The following IGF2BP1 variants were observed in gnomAD, a reference collection of about 807,000 sequenced individuals.
The protein encoded by IGF2BP1 is insulin like growth factor 2 mRNA binding protein 1.
A neutral mutation model predicts 74.9 loss-of-function variants in IGF2BP1; 11 were observed. The observed-to-expected ratio is 0.15, with a 90% confidence interval of 0.09 to 0.24. The LOEUF (loss-of-function observed/expected upper bound fraction) is 0.24. IGF2BP1 is among the 10% of genes least tolerant of loss of function. The probability of loss-of-function intolerance (pLI) is 1.00; values close to 1 mark genes in which losing one functional copy is unlikely to be tolerated. For missense variants in IGF2BP1, 440 were observed against 757.4 expected (o/e 0.58, Z 4.92); for synonymous variants, 287 against 281.8 (o/e 1.02, Z -0.18).
At position 48,998,001 on chromosome 17, in the gene IGF2BP1, G is replaced by T. The variant is rs896749685; in HGVS notation, c.175+81G>T. The T allele has an allele frequency of 5.4e-6, 8 of 1,489,588 alleles. No homozygotes were observed. In the African/African-American group the frequency reaches 9.7e-5, roughly 18 times the overall value. The allele number at this position is 1,489,588 out of a possible 1,614,324, so 92.3% of individuals were successfully genotyped here. On this transcript the variant is annotated intron_variant, in intron 1 of 14. Transcript: ENST00000290341. ...ACCCGCACCTTCCGGTTCCTCTCCC[G>T]CCAACTCCTCTCTTCCCGGGCCTGC...
intron 5 of IGF2BP1, chr17:49,037,026 A>AT: frequency 4.4e-6 from 1 of 225,704 alleles, no homozygotes; most frequent in Non-Finnish European, 9.3e-6. Flanking sequence ...TGCCATGGCT[A>AT]TGGAGGGGTT....
At chr17:49,024,521 A>T (rs2041829206) in intron 2 of IGF2BP1, among the ~76,000 whole-genome samples, 1 of 152,144 alleles carries the variant, frequency 6.6e-6, no homozygotes, top group Non-Finnish European at 1.5e-5. Context: ...AATCACTCCC[A>T]CCTTAGTATT....
At chr17:49,011,150 A>AC (rs2041613897) in intron 2 of IGF2BP1, among the ~76,000 whole-genome samples, 1 of 135,910 alleles carries the variant, frequency 7.4e-6, no homozygotes, top group African/African-American at 2.7e-5. Context: ...AAAAAAAAAA[A>AC]AAAAAAAAAA....
At chr17:49,004,240 C>T (rs2143929238) in intron 2 of IGF2BP1, among the ~76,000 whole-genome samples, 1 of 152,340 alleles carries the variant, frequency 6.6e-6, no homozygotes, top group South Asian at 2.1e-4. Context: ...TGTGGTGCGC[C>T]TTAGTCCTGG....
At chr17:49,000,136 C>A (rs919026467) in intron 2 of IGF2BP1, among the ~76,000 whole-genome samples, 2 of 152,078 alleles carry the variant, frequency 1.3e-5, no homozygotes, top group Non-Finnish European at 2.9e-5. Flanking sequence ...TCAAATCAGA[C>A]TTTAAACATG....
rs372768083 is a variant in IGF2BP1, at chr17:49,043,412, C to A, written c.1078-16C>A. 6.2e-7 allele frequency: 1 copy of A among 1,613,416 alleles called. No individual in the cohort carries two copies. Among genetic ancestry groups the A allele is most frequent in the Non-Finnish European group, 8.5e-7 (1 of 1,179,924 alleles). ...TCAGGGTGTGCTGACTCTTCCTCCT[C>A]ATCTTTCTTCCCCAGCTGCAGTCTC... On this transcript the variant is annotated splice_polypyrimidine_tract_variant and intron_variant, in intron 9 of 14. Coordinates refer to ENST00000290341, the MANE Select transcript of IGF2BP1 (RefSeq NM_006546.4).
chr17:48,997,078 A>G (rs887312257), upstream of IGF2BP1, among the ~76,000 whole-genome samples: 1 of 151,444 alleles, frequency 6.6e-6, no homozygotes, highest in Non-Finnish European at 1.5e-5. The surrounding 1 kb of genome is among the most constrained non-coding windows in gnomAD (Gnocchi z 4.8). Context: ...TTACCCTTTA[A>G]GACATGTGAG....
intron 5 of IGF2BP1, chr17:49,036,534 T>G (rs1295194325): frequency 6.6e-6 from 1 of 152,226 alleles, no homozygotes; most frequent in East Asian, 1.9e-4. Context: ...GTTTGTTTTT[T>G]TTTGTGCACC....
rs539776465 is a variant in IGF2BP1, at chr17:49,001,956, G to C, written c.236+2787G>C. The stretch of plus-strand genomic sequence containing the variant: ...CCACTGTGGTGTGCCTTTTTCTAGA[G>C]GAATGTGACCTAAAGATAGCATATT... On this transcript the variant is annotated intron_variant, in intron 2 of 14. Transcript: ENST00000290341. Among the ~76,000 whole-genome samples, 45 of 152,062 alleles carry C rather than the reference G, an allele frequency of 3.0e-4. 1 individual carries two copies. The South Asian group carries it at 9.3e-3, about 32-fold the overall frequency.
intron 7 of IGF2BP1, 112 bp from the exon 8 acceptor site, chr17:49,041,266 T>C: frequency 1.8e-6 from 2 of 1,121,318 alleles, no homozygotes; most frequent in East Asian, 2.4e-5. Context: ...TGATAAGTTT[T>C]GAGATGTTTT....
rs903851992 is a variant in IGF2BP1 at position 49,055,389 on chromosome 17, T to G, written c.*5945T>G. Reference sequence around the variant, plus strand: ...CCTGCCAGTGAGTCCTTCCTGTGCTTCTCTCCCTTCTCCCCTCCCAGCCAG... The same window carrying G: ...CCTGCCAGTGAGTCCTTCCTGTGCTGCTCTCCCTTCTCCCCTCCCAGCCAG... On this transcript the variant is annotated 3_prime_UTR_variant, in exon 15 of 15. Transcript: ENST00000290341. The G allele has an allele frequency of 5.6e-6, 2 of 354,584 alleles. No individual in the cohort carries two copies. The highest frequency in any genetic ancestry group is 5.0e-6 in the Non-Finnish European group (1 of 198,318). 22.0% of individuals were successfully genotyped at this position (354,584 alleles called of 1,614,324 possible). A position where few individuals can be genotyped will look rare whatever the true frequency, so the allele number is the denominator to read the frequency against.
chr17:49,019,863 C>T (rs2041755671), intron 2 of IGF2BP1, among the ~76,000 whole-genome samples: 2 of 129,582 alleles, frequency 1.5e-5, no homozygotes, highest in East Asian at 4.8e-4. Flanking sequence ...CCCATCTCAG[C>T]TTCCTGAATA....
At chr17:49,011,149 A>AAAAAAC (rs2041613877) in intron 2 of IGF2BP1, among the ~76,000 whole-genome samples, 1 of 146,828 alleles carries the variant, frequency 6.8e-6, no homozygotes, top group African/African-American at 2.5e-5. Flanking sequence ...AAAAAAAAAA[A>AAAAAAC]AAAAAAAAAA....
chr17:49,031,786 A>G, intron 4 of IGF2BP1, 124 bp from the exon 5 acceptor site: 7 of 845,960 alleles, frequency 8.3e-6, no homozygotes, highest in Non-Finnish European at 1.4e-5. Context: ...TGCAGTTGTG[A>G]TCTACCGTGT....
At position 49,026,446 on chromosome 17, in the gene IGF2BP1, T is replaced by C; in HGVS notation, c.286-20T>C. The C allele has an allele frequency of 6.2e-7, 1 of 1,612,620 alleles. No homozygotes were observed. The highest frequency in any genetic ancestry group is 1.1e-5 in the South Asian group (1 of 91,044). ...CTTGGGACTCAGAGTTAAGTGTACT[T>C]CCCTTCTCCATTCTCCTAGGTACTG... On this transcript the variant is annotated intron_variant, in intron 3 of 14. Transcript: ENST00000290341.
intron 3 of IGF2BP1, among the ~76,000 whole-genome samples, chr17:49,026,123 C>T (rs1239235323): frequency 6.6e-6 from 1 of 152,080 alleles, no homozygotes; most frequent in Non-Finnish European, 1.5e-5. Flanking sequence ...ATGTAACCCA[C>T]AGCCCCATCT....
chr17:48,996,761 C>G (rs1281721838), upstream of IGF2BP1, among the ~76,000 whole-genome samples: 1 of 152,206 alleles, frequency 6.6e-6, no homozygotes, highest in Non-Finnish European at 1.5e-5. Flanking sequence ...TCGTTCTCCA[C>G]TGGGATACCC....
chr17:49,042,469 C>A, intron 9 of IGF2BP1, 92 bp downstream of exon 9: 1 of 1,411,770 alleles, frequency 7.1e-7, no homozygotes, highest in Non-Finnish European at 9.9e-7. Context: ...GTGCCCTGTG[C>A]CGTGTGGCCT....
At chr17:49,027,494 AG>A (rs1359876663) in intron 4 of IGF2BP1, among the ~76,000 whole-genome samples, 1 of 152,184 alleles carries the variant, frequency 6.6e-6, no homozygotes, top group African/African-American at 2.4e-5. Context: ...GTAGTTCAAT[AG>A]GTAAGCAAAG....
Sources: gnomAD v4.1 joint callset for allele counts (sites outside exome capture counted in the v4.1 genomes callset) on GRCh38, gnomAD v4.1.1 for gene constraint, Gnocchi (gnomAD v3.1) non-coding constraint, MANE v1.5 for transcripts, NCBI Gene and HGNC (gene_info 2026-07-23, HGNC 2026-07-21) for gene names.